ESRRB: variants seen among roughly 807,000 people sequenced by gnomAD.
ESRRB encodes estrogen related receptor beta, also known as steroid hormone receptor ERR2.
Under a neutral mutation model 46.0 loss-of-function variants are expected in ESRRB, and 16 were observed. The ratio of observed to expected loss-of-function variants is 0.35; its 90% CI spans 0.24 to 0.53. ESRRB has a LOEUF of 0.53. Among genes scored for constraint, ESRRB ranks in the 20% least tolerant of loss-of-function variants. ESRRB has a pLI of 0.93. For synonymous variants in ESRRB, 246 were observed against 259.6 expected (o/e 0.95, Z 0.50); for missense variants, 488 against 607.4 (o/e 0.80, Z 2.07).
In ESRRB at chr14:76,407,712, C is replaced by G. The variant is rs912214646; in HGVS notation, c.50+31261C>G. The G allele has an allele frequency of 6.2e-6, 3 of 486,226 alleles. No individual in the cohort carries two copies. In the African/African-American group the frequency reaches 6.3e-5, roughly 10 times the overall value. The allele number at this position is 486,226 out of a possible 1,614,324, so 30.1% of individuals were successfully genotyped here. A position where few individuals can be genotyped will look rare whatever the true frequency, so the allele number is the denominator to read the frequency against. ...CTGTCTTGTGGGAGTGGTCTGGGTG[C>G]CTCTAGGAGGGCAGAAATACCACAT... On this transcript the variant is annotated intron_variant, in intron 1 of 6. Transcript: ENST00000644823.
rs1890556759 is a variant in ESRRB at position 76,499,094 on chromosome 14, C to T, written c.*636C>T. On this transcript the variant is annotated 3_prime_UTR_variant, in exon 7 of 7. Coordinates refer to ENST00000644823, the MANE Select transcript of ESRRB (RefSeq NM_001379180.1). ...TGGGCACCCCACCCCTCGGGGCCTACCCCCCTGCCTGTCACCCACCGCGCC... is the reference window on the plus strand; with the variant it reads ...TGGGCACCCCACCCCTCGGGGCCTATCCCCCTGCCTGTCACCCACCGCGCC... The T allele has an allele frequency of 9.1e-6, 3 of 329,564 alleles. No individual in the cohort carries two copies. The highest frequency in any genetic ancestry group is 8.6e-5 in the Admixed American group (2 of 23,354). The allele number at this position is 329,564 out of a possible 1,614,324, so 20.4% of individuals were successfully genotyped here.
intron 6 of ESRRB, among the ~76,000 whole-genome samples, chr14:76,496,567 C>A (rs918237658): frequency 6.9e-6 from 1 of 145,542 alleles, no homozygotes; most frequent in African/African-American, 2.5e-5. Flanking sequence ...TACAGGGAGG[C>A]AGGAAGGGTT....
intron 1 of ESRRB, among the ~76,000 whole-genome samples, chr14:76,415,259 T>C (rs1886647599): frequency 6.6e-6 from 1 of 152,180 alleles, no homozygotes; most frequent in African/African-American, 2.4e-5. Context: ...CAAGACAAAA[T>C]ACCTTGTACA....
chr14:76,437,518 C>G (rs1042004682), intron 1 of ESRRB, among the ~76,000 whole-genome samples: 3 of 152,186 alleles, frequency 2.0e-5, no homozygotes, highest in Non-Finnish European at 4.4e-5. Context: ...AGTCGTCTTT[C>G]CATTGGCAGG....
chr14:76,387,011 C>T (rs1885258996), intron 1 of ESRRB, among the ~76,000 whole-genome samples: 1 of 152,108 alleles, frequency 6.6e-6, no homozygotes, highest in African/African-American at 2.4e-5. Context: ...TGGAAGTTAC[C>T]CTTGCCCCAC....
At chr14:76,496,247 G>T (rs989141692) in intron 6 of ESRRB, among the ~76,000 whole-genome samples, 1 of 152,238 alleles carries the variant, frequency 6.6e-6, no homozygotes, top group Non-Finnish European at 1.5e-5. Flanking sequence ...TTCCAAGGGA[G>T]ATAAGACATG....
rs8004996 is a variant in ESRRB, at chr14:76,474,365, A to G, written c.578-7651A>G. On this transcript the variant is annotated intron_variant, in intron 3 of 6. Transcript: ENST00000644823. The stretch of plus-strand genomic sequence containing the variant: ...GTTAATTCCACTAACCTGAGAAAGG[A>G]TACATATTTTTAAAAAATTTTAACA... Among the ~76,000 whole-genome samples, 1,403 of 152,336 alleles carry G rather than the reference A, an allele frequency of 9.2e-3. 16 individuals are homozygous for G. The highest frequency in any genetic ancestry group is 0.032 in the African/African-American group (1,311 of 41,572).
intron 1 of ESRRB, among the ~76,000 whole-genome samples, chr14:76,414,767 T>C (rs1366767382): frequency 1.3e-5 from 2 of 148,166 alleles, no homozygotes; most frequent in African/African-American, 4.9e-5. Flanking sequence ...AACCCTCTCC[T>C]CCTCCGGTGC....
chr14:76,431,750 G>A (rs1181320628), intron 1 of ESRRB, among the ~76,000 whole-genome samples: 1 of 152,158 alleles, frequency 6.6e-6, no homozygotes, highest in African/African-American at 2.4e-5. Flanking sequence ...TTGGATGGGC[G>A]TCTGTTCCCT....
intron 1 of ESRRB, among the ~76,000 whole-genome samples, chr14:76,393,074 A>G (rs1466677890): frequency 6.6e-6 from 1 of 152,222 alleles, no homozygotes; most frequent in Non-Finnish European, 1.5e-5. Context: ...GGCATAGCAG[A>G]GAAGGAGGCC....
intron 1 of ESRRB, among the ~76,000 whole-genome samples, chr14:76,413,659 C>G (rs1196675023): frequency 2.0e-5 from 3 of 152,156 alleles, no homozygotes; most frequent in Non-Finnish European, 4.4e-5. Flanking sequence ...GGTCATTGAT[C>G]ACTTATTTGT....
At chr14:76,387,088 G>A (rs1371598457) in intron 1 of ESRRB, among the ~76,000 whole-genome samples, 1 of 152,108 alleles carries the variant, frequency 6.6e-6, no homozygotes, top group Non-Finnish European at 1.5e-5. Flanking sequence ...CCCTTGTGAG[G>A]GTCTCCCAGG....
At position 76,439,510 on chromosome 14, in the gene ESRRB, G is replaced by A. The variant is rs1376652591; in HGVS notation, c.220G>A (p.Ala74Thr). The A allele has an allele frequency of 3.7e-6, 6 of 1,612,806 alleles. No individual in the cohort carries two copies. The East Asian group carries it at 8.9e-5, about 24-fold the overall frequency. ...GGFGLALGTH[A>T]NGLDSPPMFA... is the part of the protein sequence containing the mutation. ...CTTTGGCCTGGCCCTGGGCACCCAC[G>A]CCAACGGTCTGGACTCGCCACCCAT... Residue 74 changes from alanine (A) to threonine (T), a missense_variant, in exon 2 of 7, where the codon GCC becomes ACC. Ala to Thr is a moderately conservative substitution (Grantham distance 58). Transcript: ENST00000644823.
At chr14:76,474,628 C>G (rs1401954183) in intron 3 of ESRRB, among the ~76,000 whole-genome samples, 2 of 152,012 alleles carry the variant, frequency 1.3e-5, no homozygotes, top group African/African-American at 4.8e-5. Context: ...ATTGCTTAAG[C>G]TCAGGAGTTT....
chr14:76,458,597 C>G (rs563476941), intron 2 of ESRRB, among the ~76,000 whole-genome samples: 1 of 152,292 alleles, frequency 6.6e-6, no homozygotes, highest in East Asian at 1.9e-4. Context: ...CACTTCCTGA[C>G]TCCTTGCTCT....
In ESRRB at chr14:76,501,627, G is replaced by A. The variant is rs1283245457; in HGVS notation, c.*3169G>A. The A allele has an allele frequency of 6.6e-6, 1 of 152,128 alleles. No individual in the cohort carries two copies. Among genetic ancestry groups the A allele is most frequent in the Non-Finnish European group, 1.5e-5 (1 of 68,010 alleles). 9.4% of individuals were successfully genotyped at this position (152,128 alleles called of 1,614,324 possible). A position where few individuals can be genotyped will look rare whatever the true frequency, so the allele number is the denominator to read the frequency against. On this transcript the variant is annotated 3_prime_UTR_variant, in exon 7 of 7. Coordinates refer to ENST00000644823, the MANE Select transcript of ESRRB (RefSeq NM_001379180.1). ...AAGAAAAGCACTATGTGGAAAGATT[G>A]TTTTATTTTCTAATAATGATAATAT... is the stretch of plus-strand genomic sequence containing the variant.
At chr14:76,331,378 G>A (rs1884011537) in intron 1 of ESRRB, among the ~76,000 whole-genome samples, 1 of 152,176 alleles carries the variant, frequency 6.6e-6, no homozygotes, top group African/African-American at 2.4e-5. Flanking sequence ...GTAAAATGGG[G>A]ATGATAAAAG....
At chr14:76,469,935 T>TG (rs1889300568) in intron 3 of ESRRB, among the ~76,000 whole-genome samples, 1 of 129,128 alleles carries the variant, frequency 7.7e-6, no homozygotes, top group Non-Finnish European at 1.7e-5. Context: ...TGTTGTTTTT[T>TG]TTTTTTTTCT....
At chr14:76,320,462 G>A (rs1458524576) in intron 1 of ESRRB, among the ~76,000 whole-genome samples, 2 of 152,168 alleles carry the variant, frequency 1.3e-5, no homozygotes, top group Admixed American at 1.3e-4. Flanking sequence ...TGCCCCCCTG[G>A]GCAGTGATCA....
Sources: allele counts gnomAD v4.1 joint callset (sites outside exome capture counted in the v4.1 genomes callset), GRCh38; gene constraint gnomAD v4.1.1; transcripts MANE v1.5; gene names NCBI Gene and HGNC (gene_info 2026-07-23, HGNC 2026-07-21).